The following EML2 variants were observed in gnomAD, a reference collection of about 807,000 sequenced individuals.
EML2 encodes echinoderm microtubule-associated protein-like 2.
Under a neutral mutation model 84.7 loss-of-function variants are expected in EML2, and 59 were observed. The observed-to-expected ratio is 0.70, with a 90% CI of 0.56 to 0.86. The LOEUF (loss-of-function observed/expected upper bound fraction) is 0.86, where lower values mean the gene tolerates loss of function less well. Among genes scored for constraint, EML2 ranks in the 40% least tolerant of loss-of-function variants. The probability of loss-of-function intolerance (pLI) is 0.00; values close to 1 mark genes in which losing one functional copy is unlikely to be tolerated. For missense variants in EML2, 818 were observed against 855.6 expected, an observed-to-expected ratio of 0.96 and a Z score of 0.55; for synonymous variants, 352 against 348.9, an observed-to-expected ratio of 1.01 and a Z score of -0.10.
At chr19:45,643,547 C>G, upstream of EML2, 1 of 1,535,902 alleles carries the variant, frequency 6.5e-7, no homozygotes. Context: ...CGAAGTGGCC[C>G]CTCTCCCCCT....
chr19:45,621,702 T>A (rs1971737915), intron 9 of EML2, 65 bp from the exon 10 acceptor site: 2 of 1,513,306 alleles, frequency 1.3e-6, no homozygotes, highest in Admixed American at 4.1e-5. Flanking sequence ...CCTGAAAGCA[T>A]CTTGAACTCT....
chr19:45,620,778 G>C, intron 11 of EML2: 1 of 338,656 alleles, frequency 3.0e-6, no homozygotes, highest in Admixed American at 3.8e-5. Context: ...AATTGGGTCA[G>C]GGGTAAGGAA....
Position 45,630,111 on chromosome 19 carries a change from C to A in EML2, c.511-65G>T, listed in dbSNP as rs1972848100. ...AGTCAGGGCCCATCCTCCCCCCATG[C>A]CCACCAAGGCATTCACCACACAGGC... On this transcript the variant is annotated intron_variant, in intron 6 of 18. Transcript: ENST00000245925. 7 of 1,182,040 alleles carry A rather than the reference C, an allele frequency of 5.9e-6. 1 individual carries two copies. In the East Asian group the frequency reaches 1.4e-4, roughly 24 times the overall value. 73.2% of individuals were successfully genotyped at this position (1,182,040 alleles called of 1,614,324 possible).
chr19:45,632,112 C>G (rs1392299045), intron 6 of EML2, among the ~76,000 whole-genome samples: 1 of 151,070 alleles, frequency 6.6e-6, no homozygotes, highest in Admixed American at 6.6e-5. Flanking sequence ...CCAGGCTGGT[C>G]TCAAACTCCT....
At chr19:45,616,131 A>T in intron 15 of EML2, 1 of 559,638 alleles carries the variant, frequency 1.8e-6, no homozygotes, top group Non-Finnish European at 3.2e-6. Context: ...AGTTTAGAAC[A>T]GGTGGGCAGG....
chr19:45,643,441 CAGATTTGG>C, upstream of EML2: 1 of 1,070,008 alleles, frequency 9.3e-7, no homozygotes, highest in Non-Finnish European at 1.4e-6. Context: ...CCCCGCGCCC[CAGATTTGG>C]CTCTCCAGCC....
At chr19:45,637,791 C>G (rs1380308946) in intron 3 of EML2, among the ~76,000 whole-genome samples, 2 of 147,888 alleles carry the variant, frequency 1.4e-5, no homozygotes, top group Admixed American at 7.0e-5. Flanking sequence ...ATTCTCCTGT[C>G]TCAGTCTCCC....
intron 10 of EML2, 50 bp from the exon 11 acceptor site, chr19:45,621,382 G>A (rs1971677544): frequency 6.3e-7 from 1 of 1,576,024 alleles, no homozygotes; most frequent in Non-Finnish European, 8.6e-7. Context: ...ACGGGTGGGT[G>A]TGGGGTGACA....
upstream of EML2, chr19:45,641,855 C>T: frequency 6.7e-7 from 1 of 1,483,274 alleles, no homozygotes; most frequent in African/African-American, 1.4e-5. Context: ...CTCAGGCAAA[C>T]AAACCACCTC....
At position 45,609,650 on chromosome 19, in the gene EML2, T is replaced by C; in HGVS notation, c.*13A>G. On this transcript the variant is annotated 3_prime_UTR_variant, in exon 19 of 19. Coordinates refer to ENST00000245925, the MANE Select transcript of EML2 (RefSeq NM_012155.4). ...GAATTCCTGCCCTGACACCTGACTC[T>C]TCCCTGGCCGCATCAGACCACCCGC... 1.3e-6 allele frequency: 2 copies of C among 1,589,406 alleles called. No homozygotes were observed. Among genetic ancestry groups the C allele is most frequent in the Non-Finnish European group, 1.7e-6 (2 of 1,169,218 alleles).
chr19:45,626,231 C>T (rs1222089281), intron 8 of EML2, among the ~76,000 whole-genome samples: 1 of 151,756 alleles, frequency 6.6e-6, no homozygotes, highest in East Asian at 1.9e-4. Context: ...AGGCTGGTCT[C>T]GAACTCCTGG....
At chr19:45,643,680 C>A, upstream of EML2, 8 of 1,535,816 alleles carry the variant, frequency 5.2e-6, no homozygotes, top group Non-Finnish European at 7.0e-6. Flanking sequence ...CTCGCCCCTG[C>A]CATCCCGCGT....
At chr19:45,638,906 C>T in intron 1 of EML2, 33 bp from the exon 2 acceptor site, 1 of 1,613,430 alleles carries the variant, frequency 6.2e-7, no homozygotes, top group African/African-American at 1.3e-5. Context: ...AAAAAAGGGT[C>T]TTAGTATTCA....
chr19:45,633,300 G>T (rs1334192853), intron 4 of EML2, among the ~76,000 whole-genome samples, 161 bp from the exon 5 acceptor site: 2 of 152,118 alleles, frequency 1.3e-5, no homozygotes, highest in African/African-American at 4.8e-5. Context: ...GTGCGCTGGC[G>T]CTGGATCAGA....
intron 12 of EML2, 98 bp downstream of exon 12, chr19:45,618,962 A>AAT: frequency 1.5e-6 from 2 of 1,321,706 alleles, no homozygotes; most frequent in Non-Finnish European, 2.0e-6. Context: ...AAAAAAAAAA[A>AAT]AGACCTTGTT....
intron 7 of EML2, 100 bp from the exon 8 acceptor site, chr19:45,626,939 A>T: frequency 3.7e-5 from 38 of 1,040,878 alleles, no homozygotes; most frequent in Non-Finnish European, 4.8e-5. Flanking sequence ...TTTGTGTTGT[A>T]TGCTGCACAC....
upstream of EML2, chr19:45,643,821 G>T: frequency 7.2e-7 from 1 of 1,395,276 alleles, no homozygotes; most frequent in Non-Finnish European, 9.4e-7. Context: ...CAGGTCCGGT[G>T]CCTGGACCTG....
chr19:45,614,582 A>AC (rs1199839885), intron 17 of EML2, 23 bp downstream of exon 17: 1 of 1,600,042 alleles, frequency 6.2e-7, no homozygotes, highest in Non-Finnish European at 8.6e-7. Context: ...CCTCAGTGAG[A>AC]CCTCTCTCAT....
rs140164971 is a variant in EML2 at position 45,614,694 on chromosome 19, G to A, written c.1604C>T (p.Pro535Leu). Residue 535 changes from proline (P) to leucine (L), a missense_variant, in exon 17 of 19, where the codon CCG becomes CTG. Physicochemically the swap from Pro to Leu is moderately conservative, Grantham distance 98 (BLOSUM62 -3). Coordinates refer to ENST00000245925, the MANE Select transcript of EML2 (RefSeq NM_012155.4). Reference sequence around the variant, plus strand: ...ACTGGTGATCTGCTTACAGGTAGCCGGGTCCCCTGGGGCAGAAAATGGGAG... The same window carrying A: ...ACTGGTGATCTGCTTACAGGTAGCCAGGTCCCCTGGGGCAGAAAATGGGAG... ...SGDYEILYWD[P>L]ATCKQITSAD... The A allele has an allele frequency of 1.5e-4, 250 of 1,613,662 alleles. No homozygotes were observed. The highest frequency in any genetic ancestry group is 2.0e-4 in the Non-Finnish European group (231 of 1,179,666).
Sources: allele counts gnomAD v4.1 joint callset (sites outside exome capture counted in the v4.1 genomes callset), GRCh38; gene constraint gnomAD v4.1.1; transcripts MANE v1.5; gene names NCBI Gene and HGNC (gene_info 2026-07-23, HGNC 2026-07-21).